The following PDE10A variants were observed in gnomAD, a reference collection of about 807,000 sequenced individuals.
PDE10A encodes the protein cAMP and cAMP-inhibited cGMP 3',5'-cyclic phosphodiesterase 10A.
In PDE10A, 39 loss-of-function variants were observed where a neutral mutation model predicts 97.7. The ratio of observed to expected loss-of-function variants is 0.40; its 90% CI spans 0.31 to 0.52. PDE10A has a LOEUF of 0.52. PDE10A is among the 20% of genes least tolerant of loss of function. The probability of loss-of-function intolerance (pLI) is 0.56; values close to 1 mark genes in which losing one functional copy is unlikely to be tolerated. For missense variants in PDE10A, 731 were observed against 1,047.8 expected (o/e 0.70, Z 4.17); for synonymous variants, 371 against 376.8 (o/e 0.98, Z 0.18).
At chr6:165,862,867 A>G (rs1181747667) in intron 1 of PDE10A, among the ~76,000 whole-genome samples, 3 of 152,134 alleles carry the variant, frequency 2.0e-5, no homozygotes, top group Non-Finnish European at 4.4e-5. Flanking sequence ...TTTAGTACAG[A>G]TGGGATTTTA....
At chr6:165,380,517 AG>A (rs1370136648) in intron 17 of PDE10A, among the ~76,000 whole-genome samples, 1 of 152,234 alleles carries the variant, frequency 6.6e-6, no homozygotes, top group African/African-American at 2.4e-5. Flanking sequence ...AAATGGACTC[AG>A]GTCTAGTTAT....
At chr6:165,691,012 T>C (rs984859754) in intron 1 of PDE10A, among the ~76,000 whole-genome samples, 1 of 151,132 alleles carries the variant, frequency 6.6e-6, no homozygotes, top group South Asian at 2.1e-4. Context: ...ACTGCAGATC[T>C]TGGGACTCCT....
intron 13 of PDE10A, among the ~76,000 whole-genome samples, chr6:165,401,654 A>T (rs773520417): frequency 2.6e-5 from 4 of 152,130 alleles, no homozygotes; most frequent in Non-Finnish European, 5.9e-5. Context: ...AAAGTTGAGA[A>T]AGAGCACAGA....
intron 1 of PDE10A, among the ~76,000 whole-genome samples, chr6:165,742,085 A>C (rs778881106): frequency 6.6e-6 from 1 of 152,184 alleles, no homozygotes; most frequent in Non-Finnish European, 1.5e-5. Flanking sequence ...CTCTATATGC[A>C]TCATCTCATT....
chr6:165,588,706 T>C (rs767905195), intron 1 of PDE10A, among the ~76,000 whole-genome samples: 1 of 152,210 alleles, frequency 6.6e-6, no homozygotes, highest in Non-Finnish European at 1.5e-5. Context: ...TATGATGTCA[T>C]AGTTCATGAA....
intron 1 of PDE10A, among the ~76,000 whole-genome samples, chr6:165,554,382 C>T (rs1446037611): frequency 6.6e-6 from 1 of 152,042 alleles, no homozygotes; most frequent in Non-Finnish European, 1.5e-5. Context: ...CAAAAGAAGA[C>T]ATACAAATGG....
intron 1 of PDE10A, among the ~76,000 whole-genome samples, chr6:165,632,391 C>T (rs968684197): frequency 7.2e-5 from 11 of 152,054 alleles, no homozygotes; most frequent in African/African-American, 2.7e-4. Context: ...CAAATAACAG[C>T]CACACAGAAA....
intron 3 of PDE10A, among the ~76,000 whole-genome samples, chr6:165,454,841 T>C (rs1223807713): frequency 4.6e-5 from 7 of 152,060 alleles, no homozygotes; most frequent in African/African-American, 1.7e-4. Context: ...AACAGAAAAG[T>C]TGTGGCTTAA....
chr6:165,481,772 T>C (rs749424576), intron 3 of PDE10A, among the ~76,000 whole-genome samples: 2 of 152,206 alleles, frequency 1.3e-5, no homozygotes, highest in Non-Finnish European at 2.9e-5. Flanking sequence ...GTACCTTTAA[T>C]ATTTATAAAA....
At chr6:165,612,667 C>T (rs866504175) in intron 1 of PDE10A, among the ~76,000 whole-genome samples, 55 of 152,288 alleles carry the variant, frequency 3.6e-4, no homozygotes, top group African/African-American at 1.3e-3. Flanking sequence ...CTGCGCCCAG[C>T]CATATTTTTG....
intron 15 of PDE10A, among the ~76,000 whole-genome samples, chr6:165,393,990 G>C (rs146410433): frequency 8.6e-5 from 13 of 152,004 alleles, no homozygotes; most frequent in Non-Finnish European, 1.6e-4. Flanking sequence ...GTTTCTTTTC[G>C]ATCTATTCTA....
At chr6:165,610,685 A>G (rs1466001736) in intron 1 of PDE10A, among the ~76,000 whole-genome samples, 1 of 152,224 alleles carries the variant, frequency 6.6e-6, no homozygotes, top group Non-Finnish European at 1.5e-5. Flanking sequence ...CAATGAGCCC[A>G]CTGTGATGGC....
chr6:165,852,706 A>T (rs1332585006), intron 1 of PDE10A, among the ~76,000 whole-genome samples: 2 of 152,106 alleles, frequency 1.3e-5, no homozygotes, highest in Non-Finnish European at 2.9e-5. Context: ...GCATTACTTC[A>T]CTGTACAATG....
At chr6:165,619,543 TG>T (rs1788000469) in intron 1 of PDE10A, among the ~76,000 whole-genome samples, 1 of 150,130 alleles carries the variant, frequency 6.7e-6, no homozygotes, top group Non-Finnish European at 1.5e-5. Context: ...TCTAATGTAG[TG>T]TAGTGTAGTC....
At chr6:165,407,583 G>A (rs1487222117) in intron 13 of PDE10A, among the ~76,000 whole-genome samples, 2 of 152,112 alleles carry the variant, frequency 1.3e-5, no homozygotes, top group African/African-American at 2.4e-5. Flanking sequence ...AATACTTGGT[G>A]GTTGAATTCT....
At chr6:165,604,265 G>A (rs554359555) in intron 1 of PDE10A, among the ~76,000 whole-genome samples, 3 of 152,216 alleles carry the variant, frequency 2.0e-5, no homozygotes, top group East Asian at 1.9e-4. Flanking sequence ...GTATCCCCAA[G>A]GATAATACGG....
At chr6:165,440,657 G>C (rs1049404182) in intron 5 of PDE10A, among the ~76,000 whole-genome samples, 2 of 152,034 alleles carry the variant, frequency 1.3e-5, no homozygotes, top group African/African-American at 4.8e-5. Context: ...AAATAATTTG[G>C]AAGTGTCTCT....
intron 10 of PDE10A, among the ~76,000 whole-genome samples, chr6:165,423,394 G>A (rs767349057): frequency 6.6e-6 from 1 of 152,130 alleles, no homozygotes; most frequent in Non-Finnish European, 1.5e-5. Flanking sequence ...CTGGCCGCAG[G>A]GCGTCTGGAA....
intron 1 of PDE10A, among the ~76,000 whole-genome samples, chr6:165,594,026 G>C (rs868291213): frequency 2.4e-4 from 36 of 152,232 alleles, no homozygotes; most frequent in Middle Eastern, 6.8e-3. Context: ...ACAAAAATTA[G>C]GAAGAATCCT....
Sources: allele counts gnomAD v4.1 joint callset (sites outside exome capture counted in the v4.1 genomes callset), GRCh38; gene constraint gnomAD v4.1.1; transcripts MANE v1.5; gene names NCBI Gene and HGNC (gene_info 2026-07-23, HGNC 2026-07-21).